Variants in PPP2R2A observed in about 807,000 individuals in gnomAD.
The protein encoded by PPP2R2A is serine/threonine-protein phosphatase 2A 55 kDa regulatory subunit B alpha isoform.
PPP2R2A carries 9 observed loss-of-function variants against 53.2 expected under a neutral mutation model. The ratio of observed to expected loss-of-function variants is 0.17; its 90% confidence interval spans 0.10 to 0.30. The LOEUF is 0.30. Ranked by LOEUF, PPP2R2A falls within the 10% of genes least tolerant of loss-of-function variation. The probability of loss-of-function intolerance (pLI) is 1.00; values close to 1 mark genes in which losing one functional copy is unlikely to be tolerated. For synonymous variants in PPP2R2A, 169 were observed against 174.2 expected, an observed-to-expected ratio of 0.97 and a Z score of 0.23; for missense variants, 235 against 534.6, an observed-to-expected ratio of 0.44 and a Z score of 5.53.
At chr8:26,298,068 C>T (rs147606911) in intron 2 of PPP2R2A, among the ~76,000 whole-genome samples, 40 of 152,252 alleles carry the variant, frequency 2.6e-4, no homozygotes, top group Admixed American at 1.1e-3. Context: ...TAGTGGCTAC[C>T]CTTAAGCTGT....
rs1325514995 is a variant in PPP2R2A, at chr8:26,354,602, A to G, written c.315A>G (p.Lys105=). 15 of 1,607,832 alleles carry G rather than the reference A, an allele frequency of 9.3e-6. No homozygotes were observed. Among genetic ancestry groups the G allele is most frequent in the African/African-American group, 1.3e-5 (1 of 74,722 alleles). ...ACAAAATTAGGTGGTTACCCCAGAA[A>G]AATGCTGCTCAGTTTTTATTGTCTA... is the stretch of plus-strand genomic sequence containing the variant. The part of the protein sequence containing the change: ...KINKIRWLPQ[K]NAAQFLLSTN... The change falls in exon 4 of 10, where the codon AAA becomes AAG. Residue 105 remains lysine, a synonymous_variant. Transcript: ENST00000380737. The surrounding 1 kb of genome is among the most constrained non-coding windows in gnomAD (Gnocchi z 4.6).
In PPP2R2A at chr8:26,360,310, A is replaced by G. The variant is rs975419204; in HGVS notation, c.459+29A>G. 1.5e-6 allele frequency: 2 copies of G among 1,370,140 alleles called. No homozygotes were observed. Among genetic ancestry groups the G allele is most frequent in the Admixed American group, 1.9e-5 (1 of 52,694 alleles). 84.9% of individuals were successfully genotyped at this position (1,370,140 alleles called of 1,614,324 possible). A position where few individuals can be genotyped will look rare whatever the true frequency, so the allele number is the denominator to read the frequency against. On this transcript the variant is annotated intron_variant, in intron 5 of 9. Transcript: ENST00000380737. This position sits in a 1 kb window ranked among gnomAD's most constrained non-coding sequence, Gnocchi z 4.5. ...AGTACATAAGAAAAAAATGTCACAG[A>G]TAGTGCTTGTATTCATATTATATAG...
chr8:26,293,255 G>T (rs1189294557), intron 1 of PPP2R2A: 28 of 1,535,658 alleles, frequency 1.8e-5, no homozygotes, highest in Non-Finnish European at 2.4e-5. Flanking sequence ...TAATGTTCCC[G>T]AAGTTTTCTC....
At chr8:26,318,703 TGA>T (rs1802686676) in intron 2 of PPP2R2A, among the ~76,000 whole-genome samples, 1 of 152,226 alleles carries the variant, frequency 6.6e-6, no homozygotes, top group Non-Finnish European at 1.5e-5. Flanking sequence ...GCTCTCACAG[TGA>T]GAACCTTAGT....
At chr8:26,364,824 A>G (rs923347439) in intron 8 of PPP2R2A, among the ~76,000 whole-genome samples, 28 of 152,176 alleles carry the variant, frequency 1.8e-4, no homozygotes, top group African/African-American at 6.3e-4. Flanking sequence ...TGTTCAACCA[A>G]TGCACATTTG....
intron 4 of PPP2R2A, chr8:26,358,960 AAG>A (rs759080096): frequency 4.4e-6 from 2 of 456,054 alleles, no homozygotes; most frequent in South Asian, 3.1e-5. Context: ...GCAAGGGTGA[AAG>A]AGTCATTGTA....
intron 2 of PPP2R2A, among the ~76,000 whole-genome samples, chr8:26,317,741 T>C (rs1802629253): frequency 6.6e-6 from 1 of 152,204 alleles, no homozygotes; most frequent in Admixed American, 6.5e-5. Flanking sequence ...AAGACCCACA[T>C]ACACAGTGGT....
At chr8:26,357,619 GAAT>G (rs904030624) in intron 4 of PPP2R2A, among the ~76,000 whole-genome samples, 1 of 151,986 alleles carries the variant, frequency 6.6e-6, no homozygotes, top group African/African-American at 2.4e-5. Context: ...TTACATATAT[GAAT>G]AATGTAAAGT....
chr8:26,370,668 C>G lies in PPP2R2A; in HGVS notation c.*255C>G. ...TTAAATGACTTCTTGCACCATCTTG[C>G]CTAATGGACTAGATTGGACTGTATC... On this transcript the variant is annotated 3_prime_UTR_variant, in exon 10 of 10. Coordinates refer to ENST00000380737, the MANE Select transcript of PPP2R2A (RefSeq NM_002717.4). The surrounding 1 kb of genome is among the most constrained non-coding windows in gnomAD (Gnocchi z 6.1). The G allele has an allele frequency of 2.0e-6, 1 of 510,320 alleles. No individual in the cohort carries two copies. Among genetic ancestry groups the G allele is most frequent in the East Asian group, 3.5e-5 (1 of 28,734 alleles). The allele number at this position is 510,320 out of a possible 1,614,324, so 31.6% of individuals were successfully genotyped here.
At chr8:26,337,830 T>C (rs1585376758) in intron 2 of PPP2R2A, among the ~76,000 whole-genome samples, 1 of 152,356 alleles carries the variant, frequency 6.6e-6, no homozygotes, top group Admixed American at 6.5e-5. Flanking sequence ...TTAAATGCCT[T>C]GGACCTAGAC....
intron 2 of PPP2R2A, among the ~76,000 whole-genome samples, chr8:26,302,137 A>T (rs545411718): frequency 5.9e-5 from 9 of 152,344 alleles, no homozygotes; most frequent in African/African-American, 1.9e-4. Context: ...TTCATGGAAC[A>T]TCACTTTTAT....
chr8:26,363,521 T>A, intron 7 of PPP2R2A, 200 bp from the exon 8 acceptor site: 1 of 477,964 alleles, frequency 2.1e-6, no homozygotes, highest in Non-Finnish European at 3.7e-6. Context: ...TGCATACTTA[T>A]GCATCTTCAA....
chr8:26,351,278 A>C (rs1804490356), intron 3 of PPP2R2A, among the ~76,000 whole-genome samples: 1 of 151,876 alleles, frequency 6.6e-6, no homozygotes, highest in South Asian at 2.1e-4. Context: ...TGGGGAGTTG[A>C]GTCTGTTCTC....
rs745707921 is a variant in PPP2R2A at position 26,366,350 on chromosome 8, G to A, written c.1008G>A (p.Leu336=). Residue 336 remains leucine, a synonymous_variant, in exon 9 of 10, where the codon CTG becomes CTA. Coordinates refer to ENST00000380737, the MANE Select transcript of PPP2R2A (RefSeq NM_002717.4). ...HEYLRSKLCS[L]YENDCIFDKF... ...ACCTCAGAAGTAAACTCTGTTCACT[G>A]TATGAAAATGACTGCATATTTGACA... 34 of 1,604,974 alleles carry A rather than the reference G, an allele frequency of 2.1e-5. No individual in the cohort carries two copies. The highest frequency in any genetic ancestry group is 2.7e-5 in the African/African-American group (2 of 74,398).
intron 3 of PPP2R2A, among the ~76,000 whole-genome samples, chr8:26,340,420 T>C (rs1352176043): frequency 6.6e-6 from 1 of 152,098 alleles, no homozygotes; most frequent in African/African-American, 2.4e-5. Flanking sequence ...CCCATAGGTG[T>C]TCTCTGCCCT....
intron 3 of PPP2R2A, chr8:26,350,816 A>G (rs1804461862): frequency 6.6e-6 from 1 of 152,064 alleles, no homozygotes; most frequent in Non-Finnish European, 1.5e-5. Context: ...TGATTTGTAG[A>G]CTTTCTTTAC....
chr8:26,323,040 C>T (rs1003834239), intron 2 of PPP2R2A, among the ~76,000 whole-genome samples: 1 of 152,186 alleles, frequency 6.6e-6, no homozygotes, highest in Non-Finnish European at 1.5e-5. Flanking sequence ...CAGAAAACTT[C>T]TTCCTACTCA....
chr8:26,372,655 T>C lies in PPP2R2A; in HGVS notation c.*2242T>C, dbSNP rs558621939. 2.6e-5 allele frequency: 4 copies of C among 152,346 alleles called. No homozygotes were observed. Among genetic ancestry groups the C allele is most frequent in the Admixed American group, 2.6e-4 (4 of 15,310 alleles). 9.4% of individuals were successfully genotyped at this position (152,346 alleles called of 1,614,324 possible). A position where few individuals can be genotyped will look rare whatever the true frequency, so the allele number is the denominator to read the frequency against. ...TACATGGCCATGGTTAATCTTTTTATTAATAAAAATTATACTTAGAATAAA... is the reference window on the plus strand; with the variant it reads ...TACATGGCCATGGTTAATCTTTTTACTAATAAAAATTATACTTAGAATAAA... On this transcript the variant is annotated 3_prime_UTR_variant, in exon 10 of 10. Coordinates refer to ENST00000380737, the MANE Select transcript of PPP2R2A (RefSeq NM_002717.4).
At chr8:26,312,224 A>G (rs1417922963) in intron 2 of PPP2R2A, among the ~76,000 whole-genome samples, 1 of 152,212 alleles carries the variant, frequency 6.6e-6, no homozygotes, top group African/African-American at 2.4e-5. Context: ...TCAATTCCTT[A>G]TTCAGAAGTG....
Sources: allele counts gnomAD v4.1 joint callset (sites outside exome capture counted in the v4.1 genomes callset), GRCh38; gene constraint gnomAD v4.1.1; non-coding constraint Gnocchi (gnomAD v3.1); transcripts MANE v1.5; gene names NCBI Gene and HGNC (gene_info 2026-07-23, HGNC 2026-07-21).